The following SPEF2 variants were observed in gnomAD, a reference collection of about 807,000 sequenced individuals.
The protein encoded by SPEF2 is sperm flagella and cilia-associated protein 2.
In SPEF2, 187 loss-of-function variants were observed where a neutral mutation model predicts 224.6. The ratio of observed to expected loss-of-function variants is 0.83; its 90% CI spans 0.74 to 0.94. SPEF2 has a LOEUF of 0.94. SPEF2 is among the 40% of genes least tolerant of loss of function. SPEF2 has a pLI of 0.00. For synonymous variants in SPEF2, 715 were observed against 707.3 expected (o/e 1.01, Z -0.17); for missense variants, 2,170 against 2,135.6 (o/e 1.02, Z -0.32).
At chr5:35,618,705 C>G (rs1000407789) in intron 1 of SPEF2, among the ~76,000 whole-genome samples, 3 of 152,162 alleles carry the variant, frequency 2.0e-5, no homozygotes, top group Non-Finnish European at 4.4e-5. Context: ...ACTATTGGCT[C>G]TTGCCCAAAG....
chr5:35,667,943 A>G (rs1374520853), intron 9 of SPEF2, among the ~76,000 whole-genome samples: 4 of 152,182 alleles, frequency 2.6e-5, no homozygotes. Context: ...AAAATTTCAA[A>G]TTGAAATCAC....
chr5:35,618,028 A>C lies in SPEF2; in HGVS notation c.31A>C (p.Lys11Gln). The C allele has an allele frequency of 1.3e-6, 2 of 1,587,276 alleles. No individual in the cohort carries two copies. The highest frequency in any genetic ancestry group is 1.7e-5 in the Admixed American group (1 of 58,016). MSEILCQWLN[K>Q]ELKVSRTVSP... ...GGAGATCCTGTGCCAGTGGCTCAAC[A>C]AGGAGTTGAAGGTGTCCCGGACCGT... Residue 11 changes from lysine (K) to glutamine (Q), a missense_variant, in exon 1 of 37, where the codon AAG (lysine) becomes CAG (glutamine). Coordinates refer to ENST00000356031, the MANE Select transcript of SPEF2 (RefSeq NM_024867.4).
At chr5:35,790,018 C>T in intron 30 of SPEF2, 3 of 701,762 alleles carry the variant, frequency 4.3e-6, no homozygotes, top group Non-Finnish European at 5.2e-6. Flanking sequence ...CTTCTCCTCC[C>T]TCCTAGATTT....
At chr5:35,659,358 A>G in intron 8 of SPEF2, 151 bp downstream of exon 8, 1 of 732,818 alleles carries the variant, frequency 1.4e-6, no homozygotes. Flanking sequence ...TTATTTTTGT[A>G]TAACTCCATC....
intron 4 of SPEF2, among the ~76,000 whole-genome samples, chr5:35,646,323 C>A (rs1031414283): frequency 5.3e-5 from 8 of 152,066 alleles, no homozygotes; most frequent in African/African-American, 1.7e-4. Context: ...TTCTTCCCAT[C>A]CTTGGTAAGG....
intron 29 of SPEF2, among the ~76,000 whole-genome samples, chr5:35,777,888 G>A (rs141215510): frequency 6.6e-6 from 1 of 152,102 alleles, no homozygotes; most frequent in East Asian, 1.9e-4. Context: ...GTATCGTGCC[G>A]GGCTATGGTT....
rs993066197 is a variant in SPEF2 at position 35,634,706 on chromosome 5, G to C, written c.161+6144G>C. On this transcript the variant is annotated intron_variant, in intron 2 of 36. Transcript: ENST00000356031. The stretch of plus-strand genomic sequence containing the variant: ...ATTGTTAAATAAACTTTTTATTATA[G>C]AACAGTTTTAGATTTACAGAAAAAT... 9.2e-5 allele frequency among the ~76,000 whole-genome samples: 14 copies of C among 151,838 alleles called. 1 individual carries two copies. Among genetic ancestry groups the C allele is most frequent in the Admixed American group, 5.3e-4 (8 of 15,238 alleles).
chr5:35,752,539 C>T (rs574423005), intron 23 of SPEF2, among the ~76,000 whole-genome samples: 1 of 111,544 alleles, frequency 9.0e-6, no homozygotes, highest in East Asian at 2.6e-4. Flanking sequence ...TCAAATGATC[C>T]TCCTGCCTCA....
At chr5:35,776,964 T>C (rs189011696) in intron 29 of SPEF2, among the ~76,000 whole-genome samples, 6 of 152,044 alleles carry the variant, frequency 3.9e-5, no homozygotes, top group Admixed American at 3.3e-4. Flanking sequence ...GTCAGCAGAG[T>C]GAGTCATGAT....
intron 1 of SPEF2, among the ~76,000 whole-genome samples, chr5:35,622,943 G>T (rs995380728): frequency 1.3e-5 from 2 of 152,164 alleles, no homozygotes; most frequent in Non-Finnish European, 1.5e-5. Context: ...GCCTTCAAAG[G>T]ATAAAATTGT....
chr5:35,708,886 C>T, intron 18 of SPEF2, 62 bp from the exon 19 acceptor site: 1 of 1,395,404 alleles, frequency 7.2e-7, no homozygotes, highest in South Asian at 1.3e-5. Flanking sequence ...TCTCTTAGTT[C>T]AAGTGAAATA....
At chr5:35,761,706 G>A (rs889414917) in intron 25 of SPEF2, among the ~76,000 whole-genome samples, 1 of 152,096 alleles carries the variant, frequency 6.6e-6, no homozygotes, top group East Asian at 1.9e-4. Flanking sequence ...AAATCCAAAG[G>A]CGGTATAAAC....
At chr5:35,739,536 C>T (rs913932889) in intron 21 of SPEF2, among the ~76,000 whole-genome samples, 11 of 152,306 alleles carry the variant, frequency 7.2e-5, no homozygotes, top group African/African-American at 2.4e-4. Context: ...CATGCCACCA[C>T]ACCTGGCTAA....
chr5:35,714,265 A>G (rs1440475372), intron 20 of SPEF2, among the ~76,000 whole-genome samples: 1 of 151,318 alleles, frequency 6.6e-6, no homozygotes, highest in African/African-American at 2.4e-5. Flanking sequence ...CAAAGAGTAA[A>G]GAGAACCTTG....
intron 19 of SPEF2, 129 bp downstream of exon 19, chr5:35,709,250 T>C: frequency 6.7e-7 from 1 of 1,485,260 alleles, no homozygotes; most frequent in South Asian, 1.4e-5. Flanking sequence ...GGCTTTACAC[T>C]CAGATGGAAG....
intron 21 of SPEF2, among the ~76,000 whole-genome samples, chr5:35,736,680 G>A (rs1746660156): frequency 6.6e-6 from 1 of 152,192 alleles, no homozygotes; most frequent in Non-Finnish European, 1.5e-5. Flanking sequence ...GAGACACAGA[G>A]CCAAACCATA....
chr5:35,655,008 A>T (rs1748766848), intron 7 of SPEF2, among the ~76,000 whole-genome samples: 1 of 152,230 alleles, frequency 6.6e-6, no homozygotes, highest in Non-Finnish European at 1.5e-5. Flanking sequence ...ACCTTAATAA[A>T]AAATACATTA....
intron 26 of SPEF2, among the ~76,000 whole-genome samples, chr5:35,771,171 C>T (rs1644873095): frequency 6.7e-6 from 1 of 150,164 alleles, no homozygotes; most frequent in South Asian, 2.1e-4. Flanking sequence ...AAAAAAAAAA[C>T]TCTGTAGGGG....
chr5:35,622,661 A>G (rs1174912000), intron 1 of SPEF2, among the ~76,000 whole-genome samples: 1 of 152,208 alleles, frequency 6.6e-6, no homozygotes, highest in African/African-American at 2.4e-5. Context: ...ACTCAGAATC[A>G]TTAGAAAATC....
Sources: gnomAD v4.1 joint callset for allele counts (sites outside exome capture counted in the v4.1 genomes callset) on GRCh38, gnomAD v4.1.1 for gene constraint, MANE v1.5 for transcripts, NCBI Gene and HGNC (gene_info 2026-07-23, HGNC 2026-07-21) for gene names.